Variants in ATG14 observed in about 807,000 individuals in gnomAD.
ATG14 encodes beclin 1-associated autophagy-related key regulator.
A neutral mutation model predicts 60.4 loss-of-function variants in ATG14; 35 were observed. The observed-to-expected ratio is 0.58, with a 90% CI of 0.44 to 0.77. The LOEUF is 0.77. Ranked by LOEUF, ATG14 falls within the 30% of genes least tolerant of loss-of-function variation. ATG14 has a pLI of 0.00. For synonymous variants in ATG14, 234 were observed against 228.8 expected, an observed-to-expected ratio of 1.02 and a Z score of -0.21; for missense variants, 647 against 626.3, an observed-to-expected ratio of 1.03 and a Z score of -0.35.
chr14:55,408,713 G>A (rs772278616), intron 1 of ATG14, among the ~76,000 whole-genome samples: 6 of 152,152 alleles, frequency 3.9e-5, no homozygotes, highest in East Asian at 1.9e-4. Context: ...TGAGGCTGCC[G>A]CATGCCATGA....
chr14:55,391,114 TG>T lies in ATG14; in HGVS notation c.328-123del, dbSNP rs1449248012. ...AAACATAATGAAGAAAAAGACCTTATGTTATAGCTTTTGTAACTATGGAACA... is the reference window on the plus strand; with the variant it reads ...AAACATAATGAAGAAAAAGACCTTATTTATAGCTTTTGTAACTATGGAACA... On this transcript the variant is annotated intron_variant, in intron 3 of 9. Transcript: ENST00000247178. 1.9e-5 allele frequency: 12 copies of T among 636,020 alleles called. No homozygotes were observed. The African/African-American group carries it at 2.3e-4, about 12-fold the overall frequency. The allele number at this position is 636,020 out of a possible 1,614,324, so 39.4% of individuals were successfully genotyped here. A position where few individuals can be genotyped will look rare whatever the true frequency, so the allele number is the denominator to read the frequency against.
chr14:55,386,969 T>C (rs1343551539), intron 4 of ATG14, among the ~76,000 whole-genome samples: 1 of 152,182 alleles, frequency 6.6e-6, no homozygotes, highest in Admixed American at 6.5e-5. Context: ...TTTTGACGTG[T>C]CCACTGCCTA....
In ATG14 at chr14:55,369,633, T is replaced by C. The variant is rs375326394; in HGVS notation, c.1465A>G (p.Thr489Ala). ...GTCCATGCTCGTTAACGGTGTCCAG[T>C]GTAAGCTTTAAACCAGGAGGTCACC... Reference protein sequence around the residue: ...ASVTSWFKAYTGHR With the variant: ...ASVTSWFKAYAGHR Residue 489 changes from threonine to alanine, a missense_variant, in exon 10 of 10, where the codon ACT becomes GCT. Thr to Ala is a moderately conservative substitution (Grantham distance 58). Coordinates refer to ENST00000247178, the MANE Select transcript of ATG14 (RefSeq NM_014924.5). 65 of 1,528,634 alleles carry C rather than the reference T, an allele frequency of 4.3e-5. No homozygotes were observed. The highest frequency in any genetic ancestry group is 5.5e-5 in the African/African-American group (4 of 72,316). 94.7% of individuals were successfully genotyped at this position (1,528,634 alleles called of 1,614,324 possible).
At chr14:55,411,521 G>C (rs995381682) in intron 1 of ATG14, 81 bp downstream of exon 1, 8 of 1,373,402 alleles carry the variant, frequency 5.8e-6, no homozygotes, top group Non-Finnish European at 7.9e-6. Context: ...CCCGGACGGG[G>C]AGCCCCAGGT....
At chr14:55,397,222 T>G (rs1168803585) in intron 2 of ATG14, 150 bp downstream of exon 2, 1 of 731,944 alleles carries the variant, frequency 1.4e-6, no homozygotes, top group Admixed American at 2.4e-5. Context: ...GCTTTACCTC[T>G]CCCACATGCA....
intron 1 of ATG14, among the ~76,000 whole-genome samples, chr14:55,399,174 A>G (rs918130469): frequency 6.6e-6 from 1 of 152,232 alleles, no homozygotes; most frequent in African/African-American, 2.4e-5. Context: ...TTTAATAGTC[A>G]CTGAAAATGC....
At chr14:55,384,623 C>T (rs1317042087) in intron 5 of ATG14, among the ~76,000 whole-genome samples, 1 of 152,224 alleles carries the variant, frequency 6.6e-6, no homozygotes, top group Non-Finnish European at 1.5e-5. Context: ...GCTTCTCAAG[C>T]TGGAAGTAGC....
rs114671248 is a variant in ATG14 at position 55,369,304 on chromosome 14, G to A, written c.*315C>T. ...CCATATCTGTGGGCCCGGTGGCCCG[G>A]GCCCAGAGGGAACCCAAATCAACTG... On this transcript the variant is annotated 3_prime_UTR_variant, in exon 10 of 10. Transcript: ENST00000247178. 7.6e-3 allele frequency: 1,590 copies of A among 209,252 alleles called. 33 individuals are homozygous for A. The highest frequency in any genetic ancestry group is 0.035 in the African/African-American group (1,517 of 43,760). The allele number at this position is 209,252 out of a possible 1,614,324, so 13.0% of individuals were successfully genotyped here.
Position 55,382,195 on chromosome 14 carries a change from C to T in ATG14, c.648-4G>A. The T allele has an allele frequency of 6.2e-7, 1 of 1,613,898 alleles. No individual in the cohort carries two copies. Among genetic ancestry groups the T allele is most frequent in the South Asian group, 1.1e-5 (1 of 91,072 alleles). ...TGAAGACACATCTGCGGGGTCTCTA[C>T]AAGTAGGAAGACACACACGGATTTT... On this transcript the variant is annotated splice_polypyrimidine_tract_variant and splice_region_variant and intron_variant, in intron 5 of 9. Transcript: ENST00000247178.
intron 5 of ATG14, among the ~76,000 whole-genome samples, chr14:55,384,449 T>A (rs1885089284): frequency 6.6e-6 from 1 of 152,236 alleles, no homozygotes; most frequent in African/African-American, 2.4e-5. Context: ...TCTCTCCAAC[T>A]GTCCTGCTAA....
chr14:55,370,075 A>G (rs1224155846), intron 9 of ATG14, 150 bp from the exon 10 acceptor site: 2 of 630,232 alleles, frequency 3.2e-6, no homozygotes, highest in East Asian at 2.9e-5. Flanking sequence ...CCGTGTTGAC[A>G]TATGATTGCG....
chr14:55,409,816 T>A (rs568540064), intron 1 of ATG14, among the ~76,000 whole-genome samples: 2 of 152,198 alleles, frequency 1.3e-5, no homozygotes, highest in Non-Finnish European at 1.5e-5. Flanking sequence ...ACTGGAAGAT[T>A]TGAACAGAAA....
chr14:55,380,855 G>GTATATATA (rs1555341865), intron 6 of ATG14, among the ~76,000 whole-genome samples, 165 bp from the exon 7 acceptor site: 83 of 118,064 alleles, frequency 7.0e-4, no homozygotes, highest in Admixed American at 1.2e-3. Context: ...TTCTTTGTGT[G>GTATATATA]TATATATATA....
chr14:55,392,302 T>A lies in ATG14; in HGVS notation c.328-1310A>T, dbSNP rs1461632645. Among the ~76,000 whole-genome samples the A allele has an allele frequency of 3.9e-5, 6 of 152,160 alleles. No homozygotes were observed. The East Asian group carries it at 1.2e-3, about 29-fold the overall frequency. Reference sequence around the variant, plus strand: ...AACAGGCCACAGCCCAGTAGGTATATGTGGCCTGGGGGTTGGGGACCCCTG... The same window carrying A: ...AACAGGCCACAGCCCAGTAGGTATAAGTGGCCTGGGGGTTGGGGACCCCTG... On this transcript the variant is annotated intron_variant, in intron 3 of 9. Coordinates refer to ENST00000247178, the MANE Select transcript of ATG14 (RefSeq NM_014924.5).
At chr14:55,372,517 T>A (rs187155080) in intron 9 of ATG14, among the ~76,000 whole-genome samples, 49 of 152,156 alleles carry the variant, frequency 3.2e-4, no homozygotes, top group Non-Finnish European at 6.5e-4. Context: ...CAGTCAGCTT[T>A]TTACCACAGC....
chr14:55,373,987 T>C (rs1191259973), intron 9 of ATG14, among the ~76,000 whole-genome samples: 2 of 152,114 alleles, frequency 1.3e-5, no homozygotes, highest in Admixed American at 1.3e-4. Flanking sequence ...TAAACTTAGA[T>C]GTGACTCACA....
intron 2 of ATG14, 93 bp downstream of exon 2, chr14:55,397,279 A>G (rs1885328742): frequency 9.4e-7 from 1 of 1,067,252 alleles, no homozygotes; most frequent in Non-Finnish European, 1.4e-6. Flanking sequence ...TCAGTAAGTT[A>G]GCAATCCGTA....
chr14:55,388,416 C>T (rs1027039842), intron 4 of ATG14, among the ~76,000 whole-genome samples: 1 of 152,176 alleles, frequency 6.6e-6, no homozygotes, highest in Non-Finnish European at 1.5e-5. Context: ...GGCAGTCATC[C>T]TCTCTCCCTA....
Position 55,369,703 on chromosome 14 carries a change from G to C in ATG14, c.1395C>G (p.Ile465Met). The C allele has an allele frequency of 6.2e-7, 1 of 1,608,572 alleles. No homozygotes were observed. Among genetic ancestry groups the C allele is most frequent in the South Asian group, 1.1e-5 (1 of 90,554 alleles). The change falls in exon 10 of 10, where the codon ATC becomes ATG. Residue 465 changes from isoleucine to methionine, a missense_variant. Ile to Met is a conservative substitution (Grantham distance 10). Coordinates refer to ENST00000247178, the MANE Select transcript of ATG14 (RefSeq NM_014924.5). ...TCATCCCACCTGCACTGCTGCTCGC[G>C]ATGGGTGGGGACGCCTGGGTGCTCT... is the stretch of plus-strand genomic sequence containing the variant. ...QSQSTQASPP[I>M]ASSSAGGMIS...
Sources: allele counts gnomAD v4.1 joint callset (sites outside exome capture counted in the v4.1 genomes callset), GRCh38; gene constraint gnomAD v4.1.1; transcripts MANE v1.5; gene names NCBI Gene and HGNC (gene_info 2026-07-23, HGNC 2026-07-21).